Variants in ENTHD1 observed in about 807,000 individuals in gnomAD.
ENTHD1 encodes ENTH domain-containing protein 1.
In ENTHD1, 23 loss-of-function variants were observed where a neutral mutation model predicts 39.1. That is an observed-to-expected ratio of 0.59 (90% CI 0.42 to 0.83). The LOEUF (loss-of-function observed/expected upper bound fraction) is 0.83. Ranked by LOEUF, ENTHD1 falls within the 40% of genes least tolerant of loss-of-function variation. The pLI, the probability that ENTHD1 is intolerant of heterozygous loss-of-function variation, is 0.00. For synonymous variants in ENTHD1, 230 were observed against 258.2 expected, an observed-to-expected ratio of 0.89 and a Z score of 1.05; for missense variants, 624 against 705.4, an observed-to-expected ratio of 0.88 and a Z score of 1.31.
chr22:39,875,348 C>G (rs935708564), intron 2 of ENTHD1: 21 of 1,354,866 alleles, frequency 1.5e-5, no homozygotes, highest in Non-Finnish European at 2.0e-5. Context: ...GGCCACGTCC[C>G]GCGGGGTGGC....
At chr22:39,869,648 A>C (rs1334069126) in intron 2 of ENTHD1, among the ~76,000 whole-genome samples, 4 of 152,044 alleles carry the variant, frequency 2.6e-5, no homozygotes, top group Non-Finnish European at 5.9e-5. Context: ...AAAAAAAAAA[A>C]AAAAACCAGC....
intron 5 of ENTHD1, among the ~76,000 whole-genome samples, chr22:39,780,578 A>T (rs2065401173): frequency 6.6e-6 from 1 of 152,128 alleles, no homozygotes; most frequent in Non-Finnish European, 1.5e-5. Context: ...AGTTATACTT[A>T]TATCAGATAA....
intron 6 of ENTHD1, 149 bp from the exon 7 acceptor site, chr22:39,744,432 C>T (rs1373646128): frequency 3.0e-6 from 2 of 667,916 alleles, no homozygotes; most frequent in Non-Finnish European, 4.5e-6. Context: ...TCATAATAAG[C>T]TTAAAAAAAC....
At chr22:39,796,890 C>T (rs1041287694) in intron 5 of ENTHD1, among the ~76,000 whole-genome samples, 1 of 152,174 alleles carries the variant, frequency 6.6e-6, no homozygotes, top group Non-Finnish European at 1.5e-5. Flanking sequence ...TCCATTTAGT[C>T]TAAAGTGTAG....
intron 5 of ENTHD1, among the ~76,000 whole-genome samples, chr22:39,773,766 G>A (rs2065345854): frequency 6.6e-6 from 1 of 152,122 alleles, no homozygotes; most frequent in African/African-American, 2.4e-5. Context: ...CAGATTGTAA[G>A]GTTAATTTAA....
intron 1 of ENTHD1, 153 bp downstream of exon 1, chr22:39,893,542 G>A (rs960288667): frequency 6.6e-6 from 1 of 152,218 alleles, no homozygotes; most frequent in Non-Finnish European, 1.5e-5. Flanking sequence ...CACGCCACAG[G>A]GATTTCACCT....
At chr22:39,870,350 CAGAG>C (rs2066232148) in intron 2 of ENTHD1, among the ~76,000 whole-genome samples, 1 of 151,840 alleles carries the variant, frequency 6.6e-6, no homozygotes, top group South Asian at 2.1e-4. Flanking sequence ...AAATACAGCA[CAGAG>C]AGGCAACAAG....
intron 5 of ENTHD1, among the ~76,000 whole-genome samples, chr22:39,791,586 C>T (rs1012239119): frequency 2.6e-5 from 4 of 151,850 alleles, no homozygotes; most frequent in South Asian, 2.1e-4. Context: ...TTATTAGAGA[C>T]GGGGTTTTGC....
chr22:39,785,104 C>T (rs755411941), intron 5 of ENTHD1, among the ~76,000 whole-genome samples: 5 of 151,478 alleles, frequency 3.3e-5, no homozygotes, highest in Non-Finnish European at 7.4e-5. Context: ...ACAGATTAAC[C>T]CCAGTTGAAG....
At chr22:39,777,675 G>T (rs2065376369) in intron 5 of ENTHD1, among the ~76,000 whole-genome samples, 1 of 151,954 alleles carries the variant, frequency 6.6e-6, no homozygotes, top group African/African-American at 2.4e-5. Context: ...AAAAATAAGT[G>T]GGTCAGCTAA....
intron 2 of ENTHD1, among the ~76,000 whole-genome samples, chr22:39,870,354 G>C (rs2146742603): frequency 6.6e-6 from 1 of 152,082 alleles, no homozygotes; most frequent in African/African-American, 2.4e-5. Context: ...ACAGCACAGA[G>C]AGGCAACAAG....
rs117676874 is a variant in ENTHD1 at position 39,892,825 on chromosome 22, C to T, written c.-156+870G>A. Among the ~76,000 whole-genome samples, 657 of 152,188 alleles carry T rather than the reference C, an allele frequency of 4.3e-3. 2 individuals are homozygous for T. The highest frequency in any genetic ancestry group is 7.0e-3 in the Non-Finnish European group (478 of 68,016). Reference sequence around the variant, plus strand: ...GACTCGTAAGGAAATGAGCTCTGGCCAAGAATGCTACGGGAAAATGGTTAT... The same window carrying T: ...GACTCGTAAGGAAATGAGCTCTGGCTAAGAATGCTACGGGAAAATGGTTAT... On this transcript the variant is annotated intron_variant, in intron 1 of 6. Transcript: ENST00000325157.
chr22:39,801,211 A>G (rs993990940), intron 5 of ENTHD1, among the ~76,000 whole-genome samples: 41 of 152,264 alleles, frequency 2.7e-4, no homozygotes, highest in Admixed American at 2.6e-4. Context: ...AATTCTTACA[A>G]GGAAGCAAAA....
At chr22:39,780,080 T>C (rs2065395951) in intron 5 of ENTHD1, among the ~76,000 whole-genome samples, 1 of 152,038 alleles carries the variant, frequency 6.6e-6, no homozygotes, top group South Asian at 2.1e-4. Context: ...TTAACAATAA[T>C]AATACTGTGG....
intron 5 of ENTHD1, among the ~76,000 whole-genome samples, chr22:39,815,208 T>A (rs2065723896): frequency 1.3e-5 from 2 of 152,138 alleles, no homozygotes; most frequent in African/African-American, 2.4e-5. Context: ...TAATCCCAGC[T>A]GAGGTGGGTG....
At chr22:39,771,027 C>T (rs2065317617) in intron 5 of ENTHD1, among the ~76,000 whole-genome samples, 1 of 152,158 alleles carries the variant, frequency 6.6e-6, no homozygotes, top group Non-Finnish European at 1.5e-5. Context: ...TAGTGCTAAA[C>T]AATTTTTGGA....
chr22:39,881,111 G>C (rs1358030714), intron 2 of ENTHD1, among the ~76,000 whole-genome samples: 1 of 152,184 alleles, frequency 6.6e-6, no homozygotes, highest in Non-Finnish European at 1.5e-5. Context: ...AAACATGCTT[G>C]CTAATAAAAG....
chr22:39,800,016 A>G (rs1305968916), intron 5 of ENTHD1, among the ~76,000 whole-genome samples: 1 of 152,162 alleles, frequency 6.6e-6, no homozygotes, highest in East Asian at 1.9e-4. Flanking sequence ...AATATGTGGG[A>G]GCCAGCACAA....
At chr22:39,758,038 C>T (rs188068908) in intron 6 of ENTHD1, among the ~76,000 whole-genome samples, 59 of 152,274 alleles carry the variant, frequency 3.9e-4, no homozygotes, top group African/African-American at 1.4e-3. Context: ...ATTACCTAGT[C>T]TTAGTCATTG....
Sources: allele counts gnomAD v4.1 joint callset (sites outside exome capture counted in the v4.1 genomes callset), GRCh38; gene constraint gnomAD v4.1.1; transcripts MANE v1.5; gene names NCBI Gene and HGNC (gene_info 2026-07-23, HGNC 2026-07-21).